The following TTC27 variants were observed in gnomAD, a reference collection of about 807,000 sequenced individuals.
The protein encoded by TTC27 is tetratricopeptide repeat domain 27.
A neutral mutation model predicts 115.9 loss-of-function variants in TTC27; 79 were observed. The ratio of observed to expected loss-of-function variants is 0.68; its 90% CI spans 0.57 to 0.82. TTC27 has a LOEUF of 0.82. Ranked by LOEUF, TTC27 falls within the 40% of genes least tolerant of loss-of-function variation. The pLI is 0.00. For synonymous variants in TTC27, 401 were observed against 356.0 expected (o/e 1.13, Z -1.42); for missense variants, 1,054 against 993.1 (o/e 1.06, Z -0.82).
At chr2:32,684,151 C>T (rs910155118) in intron 9 of TTC27, among the ~76,000 whole-genome samples, 3 of 152,126 alleles carry the variant, frequency 2.0e-5, no homozygotes, top group African/African-American at 7.2e-5. Flanking sequence ...GAGTGAGACT[C>T]TGACTCGGGG....
intron 12 of TTC27, among the ~76,000 whole-genome samples, chr2:32,750,231 A>T (rs1160242385): frequency 6.6e-6 from 1 of 152,176 alleles, no homozygotes; most frequent in Non-Finnish European, 1.5e-5. Context: ...TATAGCTATT[A>T]ACCCTGTGAG....
intron 16 of TTC27, among the ~76,000 whole-genome samples, chr2:32,789,075 C>T (rs1670443419): frequency 6.6e-6 from 1 of 152,144 alleles, no homozygotes; most frequent in Non-Finnish European, 1.5e-5. Context: ...TGGATCTCTC[C>T]ACCTGCTTGT....
chr2:32,648,190 C>T (rs1293252111), intron 4 of TTC27, among the ~76,000 whole-genome samples: 1 of 150,964 alleles, frequency 6.6e-6, no homozygotes, highest in Non-Finnish European at 1.5e-5. Context: ...TGCAGTGGTG[C>T]AATCTTGGCT....
chr2:32,720,298 T>C (rs1182527642), intron 10 of TTC27, among the ~76,000 whole-genome samples: 2 of 152,212 alleles, frequency 1.3e-5, no homozygotes, highest in Admixed American at 6.5e-5. Context: ...ATTTTACTTA[T>C]TTTTACATTC....
At chr2:32,635,919 A>G (rs1425998059) in intron 3 of TTC27, among the ~76,000 whole-genome samples, 1 of 152,200 alleles carries the variant, frequency 6.6e-6, no homozygotes, top group Non-Finnish European at 1.5e-5. Context: ...GAAAGGTTAA[A>G]AGATGTTTTG....
At chr2:32,669,601 A>G (rs1052334495) in intron 7 of TTC27, among the ~76,000 whole-genome samples, 3 of 152,030 alleles carry the variant, frequency 2.0e-5, no homozygotes, top group Non-Finnish European at 4.4e-5. Flanking sequence ...ATGTTACAAC[A>G]TGGCCCGGTG....
intron 4 of TTC27, among the ~76,000 whole-genome samples, chr2:32,645,320 T>G (rs1284638990): frequency 6.6e-6 from 1 of 152,162 alleles, no homozygotes; most frequent in Non-Finnish European, 1.5e-5. Flanking sequence ...TGAATATCAG[T>G]TTCCATTTAT....
Position 32,666,655 on chromosome 2 carries a change from C to CGCGT in TTC27, c.827_828insCGTG (p.Phe277ValfsTer25). On this transcript the variant is annotated frameshift_variant, in exon 7 of 20. Transcript: ENST00000317907. LOFTEE classifies it high-confidence loss of function. ...TTCAGGTGCTTTGGGAAAAAGAACA[C>CGCGT]GGTTCCAGGAAAATTATGTGGCACA... 6.2e-7 allele frequency: 1 copy of CGCGT among 1,613,556 alleles called. No individual in the cohort carries two copies. Among genetic ancestry groups the CGCGT allele is most frequent in the Non-Finnish European group, 8.5e-7 (1 of 1,179,784 alleles).
intron 16 of TTC27, among the ~76,000 whole-genome samples, chr2:32,789,946 A>AC (rs1670477344): frequency 7.7e-6 from 1 of 129,834 alleles, no homozygotes; most frequent in East Asian, 2.3e-4. Flanking sequence ...AAAAAAAAAA[A>AC]GAGAAGTCTT....
intron 10 of TTC27, among the ~76,000 whole-genome samples, chr2:32,718,848 A>C (rs1415713394): frequency 1.3e-5 from 2 of 152,210 alleles, no homozygotes; most frequent in East Asian, 3.9e-4. Flanking sequence ...GCAACTGGGC[A>C]CTCTTGCTGT....
rs1466028630 is a variant in TTC27 at position 32,628,348 on chromosome 2, A to C, written c.56A>C (p.Gln19Pro). The part of the protein sequence containing the change: ...LRGFPTEAER[Q>P]QWKQEGVVGS... ...GGATTCCCCACTGAGGCTGAGCGGC[A>C]GCAATGGAAACAGGAGGGGGTCGTC... Residue 19 changes from glutamine (Q) to proline (P), a missense_variant, in exon 1 of 20, where the codon CAG (glutamine) becomes CCG (proline). Gln to Pro is a moderately conservative substitution (Grantham distance 76, BLOSUM62 -1). Transcript: ENST00000317907. 3.1e-6 allele frequency: 5 copies of C among 1,607,538 alleles called. No individual in the cohort carries two copies. The highest frequency in any genetic ancestry group is 4.2e-6 in the Non-Finnish European group (5 of 1,178,060).
chr2:32,710,889 G>T (rs575149699), intron 10 of TTC27, among the ~76,000 whole-genome samples: 6 of 151,576 alleles, frequency 4.0e-5, no homozygotes, highest in Non-Finnish European at 8.8e-5. Context: ...CAAGGCATTT[G>T]GATCACTTGA....
chr2:32,650,565 T>C (rs1665079060), intron 5 of TTC27, among the ~76,000 whole-genome samples: 1 of 151,968 alleles, frequency 6.6e-6, no homozygotes, highest in South Asian at 2.1e-4. Context: ...AGAAGCCTCA[T>C]TGGAAACAGA....
intron 16 of TTC27, among the ~76,000 whole-genome samples, chr2:32,790,939 T>A (rs571889063): frequency 6.6e-6 from 1 of 152,312 alleles, no homozygotes; most frequent in South Asian, 2.1e-4. Context: ...TTAGAATATC[T>A]CTTATTTCTT....
chr2:32,811,552 C>CT (rs1671317467), intron 17 of TTC27, among the ~76,000 whole-genome samples: 1 of 152,074 alleles, frequency 6.6e-6, no homozygotes, highest in Admixed American at 6.5e-5. Flanking sequence ...AGGCACCTTG[C>CT]TAAAGACTAC....
chr2:32,722,490 C>A (rs1667963778), intron 10 of TTC27, among the ~76,000 whole-genome samples: 1 of 152,080 alleles, frequency 6.6e-6, no homozygotes, highest in African/African-American at 2.4e-5. Flanking sequence ...AGGGAGGAGT[C>A]ATTATGTACA....
chr2:32,656,466 G>A (rs1207675250), intron 5 of TTC27, among the ~76,000 whole-genome samples: 5 of 152,178 alleles, frequency 3.3e-5, no homozygotes, highest in African/African-American at 1.2e-4. Context: ...GAACATCTTT[G>A]TGAATTTGGG....
intron 9 of TTC27, among the ~76,000 whole-genome samples, chr2:32,698,190 G>A (rs1416656524): frequency 2.6e-5 from 4 of 152,094 alleles, no homozygotes; most frequent in African/African-American, 9.7e-5. Context: ...CTGGAGTGCA[G>A]TAGTGTGATC....
intron 9 of TTC27, among the ~76,000 whole-genome samples, chr2:32,702,381 T>C (rs1327160834): frequency 6.6e-6 from 1 of 152,216 alleles, no homozygotes; most frequent in Non-Finnish European, 1.5e-5. Flanking sequence ...TAGTACATTT[T>C]GTCCCTGTTT....
Sources: allele counts gnomAD v4.1 joint callset (sites outside exome capture counted in the v4.1 genomes callset), GRCh38; gene constraint gnomAD v4.1.1; transcripts MANE v1.5; gene names NCBI Gene and HGNC (gene_info 2026-07-23, HGNC 2026-07-21).